PCDHA3: variants seen among roughly 807,000 people sequenced by gnomAD.
PCDHA3 encodes protocadherin alpha 3, also known as protocadherin alpha-3.
PCDHA3 carries 41 observed loss-of-function variants against 62.2 expected under a neutral mutation model. That is an observed-to-expected ratio of 0.66 (90% CI 0.51 to 0.86). The LOEUF (loss-of-function observed/expected upper bound fraction) is 0.86. Among genes scored for constraint, PCDHA3 ranks in the 40% least tolerant of loss-of-function variants. The probability of loss-of-function intolerance (pLI) is 0.00; values close to 1 mark genes in which losing one functional copy is unlikely to be tolerated. For missense variants in PCDHA3, 1,304 were observed against 1,241.2 expected (o/e 1.05, Z -0.76); for synonymous variants, 640 against 555.4 (o/e 1.15, Z -2.14).
intron 1 of PCDHA3, chr5:140,828,666 T>G: frequency 6.2e-7 from 1 of 1,614,162 alleles, no homozygotes; most frequent in Non-Finnish European, 8.5e-7. Context: ...AATAAACAAA[T>G]TGGGCTCTTA....
intron 1 of PCDHA3, chr5:140,851,388 A>G (rs2042047686): frequency 1.0e-6 from 1 of 974,904 alleles, no homozygotes; most frequent in Admixed American, 6.2e-5. Flanking sequence ...AACCTTCAGT[A>G]TCTATTATTT....
intron 1 of PCDHA3, among the ~76,000 whole-genome samples, chr5:140,915,168 C>T (rs181934284): frequency 6.0e-4 from 92 of 152,112 alleles, no homozygotes; most frequent in Middle Eastern, 3.4e-3. Context: ...AGGATAGTCT[C>T]GATCTCTTGA....
At chr5:140,837,761 G>A (rs1274767174) in intron 1 of PCDHA3, among the ~76,000 whole-genome samples, 1 of 151,628 alleles carries the variant, frequency 6.6e-6, no homozygotes, top group Non-Finnish European at 1.5e-5. Context: ...ACTGCAACCT[G>A]AAAGTCCTGG....
intron 1 of PCDHA3, chr5:140,830,636 T>G (rs2150188320): frequency 2.0e-6 from 1 of 504,942 alleles, no homozygotes; most frequent in Non-Finnish European, 3.1e-6. Flanking sequence ...TTTTAATCTC[T>G]TTGCTTCTTT....
At chr5:140,875,606 T>C in intron 1 of PCDHA3, 4 of 1,613,864 alleles carry the variant, frequency 2.5e-6, no homozygotes, top group Middle Eastern at 3.4e-4. Flanking sequence ...GGCACCTTCG[T>C]GGGCCGCATC....
At chr5:140,806,114 CA>C (rs1392968631) in intron 1 of PCDHA3, among the ~76,000 whole-genome samples, 5 of 152,140 alleles carry the variant, frequency 3.3e-5, no homozygotes, top group African/African-American at 1.2e-4. Context: ...TTGGTTTGAT[CA>C]TGACATTCTT....
intron 1 of PCDHA3, among the ~76,000 whole-genome samples, chr5:140,901,267 T>G (rs2153472974): frequency 6.6e-6 from 1 of 152,344 alleles, no homozygotes; most frequent in East Asian, 1.9e-4. Context: ...TTGTGGGGTA[T>G]TACTCAAGAA....
At position 140,871,233 on chromosome 5, in the gene PCDHA3, G is replaced by A. The variant is rs1277389723; in HGVS notation, c.2394+67642G>A. 5 of 1,613,838 alleles carry A rather than the reference G, an allele frequency of 3.1e-6. No individual in the cohort carries two copies. The African/African-American group carries it at 6.7e-5, about 22-fold the overall frequency. On this transcript the variant is annotated intron_variant, in intron 1 of 3. Transcript: ENST00000522353. ...CCATCTGCGTGGTGTCCAGCCTCCT[G>A]GTACTCACGCTGCTGCTGTATACGG...
At chr5:140,897,900 A>G (rs1173970358) in intron 1 of PCDHA3, among the ~76,000 whole-genome samples, 5 of 152,140 alleles carry the variant, frequency 3.3e-5, no homozygotes, top group Non-Finnish European at 5.9e-5. Context: ...GTGAGATGGT[A>G]TCTCATTGTG....
Position 140,968,215 on chromosome 5 carries a change from G to T in PCDHA3, c.2395-10734G>T, listed in dbSNP as rs782676713. The stretch of plus-strand genomic sequence containing the variant: ...CCATCTACATACAGGAGAACAATTT[G>T]CCAGGTGTGTTGCTCTGTACTGTGC... On this transcript the variant is annotated intron_variant, in intron 1 of 3. Transcript: ENST00000522353. 3.1e-6 allele frequency: 5 copies of T among 1,613,862 alleles called. No homozygotes were observed. In the East Asian group the frequency reaches 1.1e-4, roughly 36 times the overall value.
chr5:140,819,738 C>A (rs1766611362), intron 1 of PCDHA3, among the ~76,000 whole-genome samples: 1 of 151,950 alleles, frequency 6.6e-6, no homozygotes, highest in Non-Finnish European at 1.5e-5. Context: ...GAAAGTGAAT[C>A]AAAAGTCAAG....
At chr5:140,943,326 G>A (rs1407826029) in intron 1 of PCDHA3, among the ~76,000 whole-genome samples, 10 of 149,948 alleles carry the variant, frequency 6.7e-5, no homozygotes, top group African/African-American at 2.5e-4. Flanking sequence ...ATATTGTGTA[G>A]TATCCATTGG....
intron 3 of PCDHA3, among the ~76,000 whole-genome samples, chr5:140,990,782 C>T (rs1460964532): frequency 2.0e-5 from 3 of 152,120 alleles, no homozygotes; most frequent in Non-Finnish European, 1.5e-5. Context: ...CTGTGTTGGA[C>T]GATGAACCAT....
At chr5:140,934,729 T>G (rs2090016432) in intron 1 of PCDHA3, among the ~76,000 whole-genome samples, 1 of 152,164 alleles carries the variant, frequency 6.6e-6, no homozygotes, top group Non-Finnish European at 1.5e-5. Context: ...CAAGGCCTTT[T>G]TTAGGTGTCA....
chr5:140,940,434 T>A (rs155816), intron 1 of PCDHA3, among the ~76,000 whole-genome samples: 48,246 of 152,056 alleles, frequency 0.32, 7,999 homozygotes, highest in East Asian at 0.53. Flanking sequence ...TGATCAAGTC[T>A]GCCATGATAT....
chr5:140,966,470 T>C, intron 1 of PCDHA3: 1 of 431,298 alleles, frequency 2.3e-6, no homozygotes, highest in Non-Finnish European at 4.0e-6. Context: ...TCTTCCCTTC[T>C]GTTTCCTTTT....
chr5:140,913,824 TC>T, intron 1 of PCDHA3, among the ~76,000 whole-genome samples: 1 of 152,216 alleles, frequency 6.6e-6, no homozygotes, highest in Middle Eastern at 3.2e-3. Context: ...CTTTTAAATT[TC>T]TTTATTGACC....
At chr5:140,900,014 T>C (rs1002415971) in intron 1 of PCDHA3, among the ~76,000 whole-genome samples, 1 of 152,032 alleles carries the variant, frequency 6.6e-6, no homozygotes, top group African/African-American at 2.4e-5. Flanking sequence ...CTCACTTTGT[T>C]ACCCAGTTTG....
At chr5:140,877,924 A>T in intron 1 of PCDHA3, 1 of 1,419,290 alleles carries the variant, frequency 7.0e-7, no homozygotes, top group Non-Finnish European at 9.3e-7. Flanking sequence ...ATTTTTCTTT[A>T]TGATTCTATC....
Sources: gnomAD v4.1 joint callset for allele counts (sites outside exome capture counted in the v4.1 genomes callset) on GRCh38, gnomAD v4.1.1 for gene constraint, MANE v1.5 for transcripts, NCBI Gene and HGNC (gene_info 2026-07-23, HGNC 2026-07-21) for gene names.